Variants in PLXND1 observed in about 807,000 individuals in gnomAD.
The protein encoded by PLXND1 is plexin-D1.
Under a neutral mutation model 197.7 loss-of-function variants are expected in PLXND1, and 54 were observed. That is an observed-to-expected ratio of 0.27 (90% confidence interval 0.22 to 0.34). The LOEUF (loss-of-function observed/expected upper bound fraction) is 0.34. Among genes scored for constraint, PLXND1 ranks in the 10% least tolerant of loss-of-function variants. The pLI, the probability that PLXND1 is intolerant of heterozygous loss-of-function variation, is 1.00. For missense variants in PLXND1, 2,127 were observed against 2,699.2 expected (o/e 0.79, Z 4.70); for synonymous variants, 1,180 against 1,161.2 (o/e 1.02, Z -0.33).
intron 30 of PLXND1, 46 bp downstream of exon 30, chr3:129,560,643 A>G (rs1237779715): frequency 6.9e-7 from 1 of 1,446,170 alleles, no homozygotes; most frequent in African/African-American, 1.4e-5. Context: ...CCAAGGCCAC[A>G]CCCACTGAGG....
At chr3:129,584,920 C>A (rs2085438340) in intron 5 of PLXND1, among the ~76,000 whole-genome samples, 1 of 152,188 alleles carries the variant, frequency 6.6e-6, no homozygotes, top group African/African-American at 2.4e-5. Flanking sequence ...AGATGCTCAC[C>A]CTGGCTCCCC....
chr3:129,562,808 G>A lies in PLXND1; in HGVS notation c.4804C>T (p.Arg1602Cys), dbSNP rs2085081160. 5 of 1,603,384 alleles carry A rather than the reference G, an allele frequency of 3.1e-6. No individual in the cohort carries two copies. The highest frequency in any genetic ancestry group is 4.5e-5 in the East Asian group (2 of 44,540). Reference sequence around the variant, plus strand: ...CCACCAAGGTCGACGTCCTCTGCACGCGGCCACTGGGAGTAGGGCACATTC... The same window carrying A: ...CCACCAAGGTCGACGTCCTCTGCACACGGCCACTGGGAGTAGGGCACATTC... Reference protein sequence around the residue: ...CKNVPYSQWPRAEDVDLEWFA... With the variant: ...CKNVPYSQWPCAEDVDLEWFA... The change falls in exon 27 of 36, where the codon CGT becomes TGT. Residue 1602 changes from arginine (R) to cysteine (C), a missense_variant. By Grantham distance (180) the Arg-to-Cys change is radical (BLOSUM62 -3). This residue lies in a region of PLXND1 where 532 missense variants were observed against 811.0 expected (regional missense o/e 0.66). Coordinates refer to ENST00000324093, the MANE Select transcript of PLXND1 (RefSeq NM_015103.3).
rs765377809 is a variant in PLXND1 at position 129,567,594 on chromosome 3, C to T, written c.3984G>A (p.Glu1328=). The change falls in exon 22 of 36, where the codon GAG becomes GAA. Residue 1328 remains glutamate (E), a synonymous_variant. Transcript: ENST00000324093. The stretch of plus-strand genomic sequence containing the variant: ...TGAGATCTGTCATGTCTGTCTGCAG[C>T]TCAGCGAAGCCTGGCGGACACACGG... The part of the protein sequence containing the change: ...IREEIRKGFA[E]LQTDMTDLTK... The T allele has an allele frequency of 2.5e-6, 4 of 1,610,782 alleles. No individual in the cohort carries two copies. The highest frequency in any genetic ancestry group is 3.4e-6 in the Non-Finnish European group (4 of 1,177,850).
In PLXND1 at chr3:129,577,890, C is replaced by T. The variant is rs1390511791; in HGVS notation, c.2346+439G>A. 6.6e-6 allele frequency among the ~76,000 whole-genome samples: 1 copy of T among 152,198 alleles called. No homozygotes were observed. The highest frequency in any genetic ancestry group is 1.5e-5 in the Non-Finnish European group (1 of 68,022). ...ATCTGGACAATGGGGAATGGGGTGG[C>T]CAAGGGGTTCTCTGGTCATTCTGCA... is the stretch of plus-strand genomic sequence containing the variant. On this transcript the variant is annotated intron_variant, in intron 9 of 35. Coordinates refer to ENST00000324093, the MANE Select transcript of PLXND1 (RefSeq NM_015103.3). This position sits in a 1 kb window ranked among gnomAD's most constrained non-coding sequence, Gnocchi z 5.0.
At chr3:129,585,776 G>A (rs144140344) in intron 5 of PLXND1, among the ~76,000 whole-genome samples, 176 bp downstream of exon 5, 113 of 152,348 alleles carry the variant, frequency 7.4e-4, no homozygotes, top group Middle Eastern at 3.4e-3. Context: ...CACAGAGCAC[G>A]TGCCTGGCAC....
At chr3:129,573,270 C>T (rs2085264083) in intron 13 of PLXND1, among the ~76,000 whole-genome samples, 1 of 152,000 alleles carries the variant, frequency 6.6e-6, no homozygotes, top group South Asian at 2.1e-4. Flanking sequence ...CTAAACCATG[C>T]CAGTAGCCCC....
rs957912090 is a variant in PLXND1, at chr3:129,577,943, C to T, written c.2346+386G>A. Among the ~76,000 whole-genome samples the T allele has an allele frequency of 1.3e-5, 2 of 152,204 alleles. No homozygotes were observed. Among genetic ancestry groups the T allele is most frequent in the Non-Finnish European group, 2.9e-5 (2 of 68,020 alleles). ...GAAGACATGGAAGCCACCCACGGGG[C>T]AGTGGGCTCGGCGGTGGGTGGGTGT... is the stretch of plus-strand genomic sequence containing the variant. On this transcript the variant is annotated intron_variant, in intron 9 of 35. Coordinates refer to ENST00000324093, the MANE Select transcript of PLXND1 (RefSeq NM_015103.3). The surrounding 1 kb of genome is among the most constrained non-coding windows in gnomAD (Gnocchi z 5.0).
At chr3:129,580,946 C>T (rs1225814796) in intron 8 of PLXND1, among the ~76,000 whole-genome samples, 1 of 152,048 alleles carries the variant, frequency 6.6e-6, no homozygotes, top group African/African-American at 2.4e-5. Context: ...AGGGAAGCTA[C>T]CTCATCCCTC....
At chr3:129,573,792 G>A (rs1352878871) in intron 12 of PLXND1, 47 bp from the exon 13 acceptor site, 1 of 1,591,256 alleles carries the variant, frequency 6.3e-7, no homozygotes, top group African/African-American at 1.3e-5. Context: ...GAGGCTGCAG[G>A]CCAGCAGGCT....
intron 18 of PLXND1, 25 bp from the exon 19 acceptor site, chr3:129,570,960 C>G: frequency 6.2e-7 from 1 of 1,614,030 alleles, no homozygotes; most frequent in Non-Finnish European, 8.5e-7. Context: ...GGGGAGGATG[C>G]TCATGGGGAA....
Position 129,570,817 on chromosome 3 carries a change from A to G in PLXND1, c.3719T>C (p.Leu1240Pro), listed in dbSNP as rs1225453591. 5 of 1,614,068 alleles carry G rather than the reference A, an allele frequency of 3.1e-6. No homozygotes were observed. The highest frequency in any genetic ancestry group is 1.1e-5 in the South Asian group (1 of 91,090). ...GGGCAGCTGCCCCACGGCCGCGCCC[A>G]GGGACTCGTTGACCGAGCAGTGGAT... ...RIIHCSVNES[L>P]GAAVGQLPIT... is the part of the protein sequence containing the mutation. Residue 1240 changes from leucine (L) to proline (P), a missense_variant, in exon 19 of 36, where the codon CTG (leucine) becomes CCG (proline). Physicochemically the swap from Leu to Pro is moderately conservative, Grantham distance 98 (BLOSUM62 -3). Coordinates refer to ENST00000324093, the MANE Select transcript of PLXND1 (RefSeq NM_015103.3).
chr3:129,556,816 G>A (rs1464745381), intron 34 of PLXND1, 125 bp from the exon 35 acceptor site: 3 of 762,800 alleles, frequency 3.9e-6, no homozygotes, highest in Non-Finnish European at 6.7e-6. Context: ...GTTCAGCGAT[G>A]AGGCCCCTCA....
chr3:129,560,620 G>C (rs547266326), intron 30 of PLXND1, 69 bp downstream of exon 30: 8 of 1,250,440 alleles, frequency 6.4e-6, no homozygotes, highest in African/African-American at 1.5e-5. Flanking sequence ...AAGAGGCCCA[G>C]GGCCACAGAA....
intron 18 of PLXND1, 26 bp downstream of exon 18, chr3:129,571,014 C>T: frequency 6.2e-7 from 1 of 1,612,926 alleles, no homozygotes; most frequent in Non-Finnish European, 8.5e-7. Context: ...CTTGCCCCCG[C>T]CTACCCCGGC....
intron 1 of PLXND1, among the ~76,000 whole-genome samples, chr3:129,595,384 G>A (rs917247746): frequency 6.6e-6 from 1 of 152,218 alleles, no homozygotes; most frequent in Admixed American, 6.5e-5. Flanking sequence ...CAGCCCCCAT[G>A]CCAGGGAGGA....
In PLXND1 at chr3:129,573,760, G is replaced by A. The variant is rs548748862; in HGVS notation, c.2686-15C>T. On this transcript the variant is annotated splice_polypyrimidine_tract_variant and intron_variant, in intron 12 of 35. Coordinates refer to ENST00000324093, the MANE Select transcript of PLXND1 (RefSeq NM_015103.3). ...AGGGGCTCAATCTGCCAGGTGACCC[G>A]AGAGAGGGGCGAATGGGATCTGAGG... 2.5e-5 allele frequency: 41 copies of A among 1,611,188 alleles called. No individual in the cohort carries two copies. Among genetic ancestry groups the A allele is most frequent in the East Asian group, 2.5e-4 (11 of 44,836 alleles).
In PLXND1 at chr3:129,578,235, C is replaced by G; in HGVS notation, c.2346+94G>C. On this transcript the variant is annotated intron_variant, in intron 9 of 35. Coordinates refer to ENST00000324093, the MANE Select transcript of PLXND1 (RefSeq NM_015103.3). ...CGAAAGCACTGCAGTGGGCCCAGAG[C>G]AGGGGTCACACCAGGACATGGGGGC... 4 of 778,802 alleles carry G rather than the reference C, an allele frequency of 5.1e-6. 1 individual carries two copies. The Admixed American group carries it at 8.0e-5, about 16-fold the overall frequency. The allele number at this position is 778,802 out of a possible 1,614,324, so 48.2% of individuals were successfully genotyped here.
Position 129,556,328 on chromosome 3 carries a change from C to T in PLXND1, c.5762G>A (p.Cys1921Tyr). 6.2e-7 allele frequency: 1 copy of T among 1,610,878 alleles called. No individual in the cohort carries two copies. Reference protein sequence around the residue: ...VALMEDNIYECYSEA With the variant: ...VALMEDNIYEYYSEA The stretch of plus-strand genomic sequence containing the variant: ...CCATGTGTCTCAGGCCTCACTGTAG[C>T]ACTCGTAGATGTTGTCCTCCATCAA... Residue 1921 changes from cysteine (C) to tyrosine (Y), a missense_variant, in exon 36 of 36, where the codon TGC (cysteine) becomes TAC (tyrosine). Physicochemically the swap from Cys to Tyr is radical, Grantham distance 194. Transcript: ENST00000324093.
At chr3:129,565,603 C>A in intron 24 of PLXND1, 65 bp from the exon 25 acceptor site, 1 of 1,395,018 alleles carries the variant, frequency 7.2e-7, no homozygotes, top group Non-Finnish European at 1.0e-6. Context: ...CCCAGGGTCT[C>A]AGTGCCGCCT....
Sources: gnomAD v4.1 joint callset for allele counts (sites outside exome capture counted in the v4.1 genomes callset) on GRCh38, gnomAD v4.1.1 for gene constraint, gnomAD v4.1.1 regional missense constraint, Gnocchi (gnomAD v3.1) non-coding constraint, MANE v1.5 for transcripts, NCBI Gene and HGNC (gene_info 2026-07-23, HGNC 2026-07-21) for gene names.